The following PRAMEF4 variants were observed in gnomAD, a reference collection of about 807,000 sequenced individuals.
The protein encoded by PRAMEF4 is PRAME family member 4, also known as RP5-845O24.6.
Under a neutral mutation model 34.4 loss-of-function variants are expected in PRAMEF4, and 18 were observed. The observed-to-expected ratio is 0.52, with a 90% confidence interval of 0.36 to 0.78. The LOEUF (loss-of-function observed/expected upper bound fraction) is 0.78, where lower values mean the gene tolerates loss of function less well. PRAMEF4 is among the 30% of genes least tolerant of loss of function. The pLI, the probability that PRAMEF4 is intolerant of heterozygous loss-of-function variation, is 0.00. For missense variants in PRAMEF4, 482 were observed against 569.1 expected (o/e 0.85, Z 1.56); for synonymous variants, 156 against 219.3 (o/e 0.71, Z 2.55).
At position 12,884,913 on chromosome 1, in the gene PRAMEF4, T is replaced by A. The variant is rs920259544; in HGVS notation, c.-17+1234A>T. On this transcript the variant is annotated intron_variant, in intron 1 of 3. Coordinates refer to ENST00000235349, the MANE Select transcript of PRAMEF4 (RefSeq NM_001009611.4). Reference sequence around the variant, plus strand: ...ATGGAGTTTTACTAATATGTGTCCTTCAAAGTCCTGAGTGTGAGACAGGGA... The same window carrying A: ...ATGGAGTTTTACTAATATGTGTCCTACAAAGTCCTGAGTGTGAGACAGGGA... Among the ~76,000 whole-genome samples, 18 of 150,300 alleles carry A rather than the reference T, an allele frequency of 1.2e-4. 1 individual carries two copies. The highest frequency in any genetic ancestry group is 2.0e-4 in the Admixed American group (3 of 14,726).
rs2982074 is a variant in PRAMEF4 at position 12,882,625 on chromosome 1, G to C, written c.294-190C>G. On this transcript the variant is annotated intron_variant, in intron 2 of 3. Transcript: ENST00000235349. Reference sequence around the variant, plus strand: ...TTTTTTTTTGAGACCAAGTCTCCCTGTGTCGCCCAGGCTAGAGTGCAGTGG... The same window carrying C: ...TTTTTTTTTGAGACCAAGTCTCCCTCTGTCGCCCAGGCTAGAGTGCAGTGG... Among the ~76,000 whole-genome samples, 321 of 144,474 alleles carry C rather than the reference G, an allele frequency of 2.2e-3. 7 individuals carry two copies. Among genetic ancestry groups the C allele is most frequent in the African/African-American group, 6.1e-3 (234 of 38,374 alleles). 94.8% of individuals were successfully genotyped at this position (144,474 alleles called of 152,430 possible). A position where few individuals can be genotyped will look rare whatever the true frequency, so the allele number is the denominator to read the frequency against.
At chr1:12,882,614 C>A (rs1372829793) in intron 2 of PRAMEF4, among the ~76,000 whole-genome samples, 179 bp from the exon 3 acceptor site, 2 of 146,824 alleles carry the variant, frequency 1.4e-5, no homozygotes, top group Non-Finnish European at 3.0e-5. Flanking sequence ...TTTTTGAGAC[C>A]AAGTCTCCCT....
At chr1:12,881,094 G>C (rs1640879566) in intron 3 of PRAMEF4, among the ~76,000 whole-genome samples, 1 of 148,110 alleles carries the variant, frequency 6.8e-6, no homozygotes, top group African/African-American at 2.5e-5. Flanking sequence ...GGCTGGGCGT[G>C]GTAGCTCTCG....
At chr1:12,884,387 T>A (rs541469877) in intron 1 of PRAMEF4, among the ~76,000 whole-genome samples, 1 of 149,708 alleles carries the variant, frequency 6.7e-6, no homozygotes, top group East Asian at 1.9e-4. Flanking sequence ...TCAAGATAGA[T>A]GTTTCCAATG....
chr1:12,883,365 T>G lies in PRAMEF4; in HGVS notation c.30A>C (p.Arg10Ser), dbSNP rs748791511. MKMSIWTPP[R>S]LLELAGRSLL... ...GGCTCCGCCCTGCAAGCTCCAGGAG[T>G]CTGGGTGGAGTCCAGATGCTCATCT... The change falls in exon 2 of 4, where the codon AGA (arginine) becomes AGC (serine). Residue 10 changes from arginine (R) to serine (S), a missense_variant. Physicochemically the swap from Arg to Ser is moderately radical, Grantham distance 110. Around this residue, in one of 6 missense-constraint regions of PRAMEF4, gnomAD observed 172 missense variants for 130.2 expected, o/e 1.32. Transcript: ENST00000235349. The G allele has an allele frequency of 6.2e-7, 1 of 1,600,192 alleles. No homozygotes were observed. The highest frequency in any genetic ancestry group is 8.5e-7 in the Non-Finnish European group (1 of 1,173,614).
chr1:12,885,464 A>T, intron 1 of PRAMEF4, among the ~76,000 whole-genome samples: 1 of 149,208 alleles, frequency 6.7e-6, no homozygotes, highest in Non-Finnish European at 1.5e-5. Context: ...GGCTCAAGTG[A>T]TTCTCCCACA....
At chr1:12,882,893 C>T (rs1002029913) in intron 2 of PRAMEF4, among the ~76,000 whole-genome samples, 1 of 147,282 alleles carries the variant, frequency 6.8e-6, no homozygotes, top group African/African-American at 2.6e-5. Context: ...TTCATGGTGC[C>T]TTTCAGTGCC....
rs558081442 is a variant in PRAMEF4, at chr1:12,884,266, C to G, written c.-16-856G>C. Among the ~76,000 whole-genome samples the G allele has an allele frequency of 1.9e-3, 288 of 148,834 alleles. 12 individuals are homozygous for G. The highest frequency in any genetic ancestry group is 6.9e-3 in the Middle Eastern group (2 of 288). On this transcript the variant is annotated intron_variant, in intron 1 of 3. Transcript: ENST00000235349. Reference sequence around the variant, plus strand: ...TCCTAGTCTCAAGCAATCTACCCCTCTTGGCCTCCCAACATACTGGGATTA... The same window carrying G: ...TCCTAGTCTCAAGCAATCTACCCCTGTTGGCCTCCCAACATACTGGGATTA...
rs1640930043 is a variant in PRAMEF4 at position 12,883,302 on chromosome 1, C to T, written c.93G>A (p.Glu31=). Residue 31 remains glutamate, a synonymous_variant, in exon 2 of 4, where the codon GAG becomes GAA. Coordinates refer to ENST00000235349, the MANE Select transcript of PRAMEF4 (RefSeq NM_001009611.4). The stretch of plus-strand genomic sequence containing the variant: ...GGGGGAAAAGTTCTGTGGGCAGCTC[C>T]TCCAGGGTGGACATGGCCAAAGCTT... ...RDQALAMSTL[E]ELPTELFPPL... 1 of 1,600,054 alleles carries T rather than the reference C, an allele frequency of 6.2e-7. No individual in the cohort carries two copies. The highest frequency in any genetic ancestry group is 1.1e-5 in the South Asian group (1 of 90,212).
chr1:12,883,111 AC>A lies in PRAMEF4; in HGVS notation c.283del (p.Val95PhefsTer49). On this transcript the variant is annotated frameshift_variant, in exon 2 of 4. Transcript: ENST00000235349. LOFTEE classifies it high-confidence loss of function. ...ACCTGGGCCACCTCACCTGGGACGAACCCCTAGGTTAAGCAGTGCATCCAGC... is the reference window on the plus strand; with the variant it reads ...ACCTGGGCCACCTCACCTGGGACGAACCCTAGGTTAAGCAGTGCATCCAGC... ...DGLDALLNLG[V>X]RPRRWKLQVL... The A allele has an allele frequency of 6.2e-7, 1 of 1,600,996 alleles. No homozygotes were observed. Among genetic ancestry groups the A allele is most frequent in the South Asian group, 1.1e-5 (1 of 90,142 alleles).
intron 3 of PRAMEF4, among the ~76,000 whole-genome samples, chr1:12,880,859 A>T (rs11122030): frequency 0.075 from 9,896 of 131,114 alleles, 597 homozygotes; most frequent in East Asian, 0.15. Flanking sequence ...TTGTGCCTGC[A>T]CCCTGACCCT....
chr1:12,879,892 G>A lies in PRAMEF4; in HGVS notation c.1089C>T (p.Gly363=), dbSNP rs759987625. The change falls in exon 4 of 4, where the codon GGC becomes GGT. Residue 363 remains glycine (G), a synonymous_variant. Coordinates refer to ENST00000235349, the MANE Select transcript of PRAMEF4 (RefSeq NM_001009611.4). ...TLEYLDLDDC[G]IIDSQVNAIL... is the part of the protein sequence containing the mutation. ...TGGCGTTGACTTGGGAGTCTATGAT[G>A]CCACAGTCATCTAAATCCAGGTACT... is the stretch of plus-strand genomic sequence containing the variant. 6.2e-7 allele frequency: 1 copy of A among 1,601,782 alleles called. No individual in the cohort carries two copies. The highest frequency in any genetic ancestry group is 1.4e-5 in the African/African-American group (1 of 73,138).
Position 12,882,954 on chromosome 1 carries a change from G to A in PRAMEF4, c.293+148C>T. 3 of 1,176,334 alleles carry A rather than the reference G, an allele frequency of 2.6e-6. 1 individual carries two copies. The highest frequency in any genetic ancestry group is 2.9e-5 in the South Asian group (2 of 68,798). The allele number at this position is 1,176,334 out of a possible 1,614,324, so 72.9% of individuals were successfully genotyped here. ...CCATGGACCTTGCGTGGTGAGCAGT[G>A]CTTTCCCTGAGGAGCTGGTGAATGG... On this transcript the variant is annotated intron_variant, in intron 2 of 3. Transcript: ENST00000235349.
At chr1:12,883,473 C>A (rs3121078) in intron 1 of PRAMEF4, 63 bp from the exon 2 acceptor site, 2 of 1,589,566 alleles carry the variant, frequency 1.3e-6, no homozygotes, top group East Asian at 2.3e-5. Flanking sequence ...CAATCTCATC[C>A]TCTCCTATGG....
intron 3 of PRAMEF4, among the ~76,000 whole-genome samples, chr1:12,880,586 A>G (rs1640869292): frequency 6.7e-6 from 1 of 149,402 alleles, no homozygotes; most frequent in East Asian, 2.0e-4. Context: ...AAAAAAAAAA[A>G]AGGAGAAAAA....
rs182285858 is a variant in PRAMEF4 at position 12,883,449 on chromosome 1, G to C, written c.-16-39C>G. 5.1e-3 allele frequency: 8,194 copies of C among 1,596,540 alleles called. 522 individuals carry two copies. The highest frequency in any genetic ancestry group is 6.1e-3 in the Non-Finnish European group (7,136 of 1,172,254). ...AACCCAGAGAAAAGGCATCTCTCTC[G>C]GGCCAAGCCCATGCAATCTCATCCT... On this transcript the variant is annotated intron_variant, in intron 1 of 3. Coordinates refer to ENST00000235349, the MANE Select transcript of PRAMEF4 (RefSeq NM_001009611.4).
rs1557641003 is a variant in PRAMEF4 at position 12,883,033 on chromosome 1, C to G, written c.293+69G>C. 7 of 1,579,744 alleles carry G rather than the reference C, an allele frequency of 4.4e-6. No individual in the cohort carries two copies. In the African/African-American group the frequency reaches 7.0e-5, roughly 16 times the overall value. ...CCATCCCCCTTGGGCCTCCTCACTT[C>G]TCACGACCCAGCTGTTCCTTCAGTT... On this transcript the variant is annotated intron_variant, in intron 2 of 3. Transcript: ENST00000235349.
rs1259982939 is a variant in PRAMEF4, at chr1:12,883,554, C to T, written c.-16-144G>A. 27 of 1,178,178 alleles carry T rather than the reference C, an allele frequency of 2.3e-5. 2 individuals are homozygous for T. Among genetic ancestry groups the T allele is most frequent in the Admixed American group, 1.3e-4 (5 of 37,272 alleles). The allele number at this position is 1,178,178 out of a possible 1,614,324, so 73.0% of individuals were successfully genotyped here. A position where few individuals can be genotyped will look rare whatever the true frequency, so the allele number is the denominator to read the frequency against. On this transcript the variant is annotated intron_variant, in intron 1 of 3. Transcript: ENST00000235349. ...CCAATTCTACTCTGTACTCAGTGGCCATTAAGCCAGCATTCTGCCTCTGCT... is the reference window on the plus strand; with the variant it reads ...CCAATTCTACTCTGTACTCAGTGGCTATTAAGCCAGCATTCTGCCTCTGCT...
intron 1 of PRAMEF4, among the ~76,000 whole-genome samples, chr1:12,883,702 C>T (rs936405712): frequency 1.4e-5 from 2 of 147,616 alleles, no homozygotes; most frequent in African/African-American, 5.0e-5. Flanking sequence ...ACCCCTCCTA[C>T]CATTGGGGGA....
Sources: gnomAD v4.1 joint callset for allele counts (sites outside exome capture counted in the v4.1 genomes callset) on GRCh38, gnomAD v4.1.1 for gene constraint, gnomAD v4.1.1 regional missense constraint, MANE v1.5 for transcripts, NCBI Gene and HGNC (gene_info 2026-07-23, HGNC 2026-07-21) for gene names.